MICAL2: variants seen among roughly 807,000 people sequenced by gnomAD.
The protein encoded by MICAL2 is [F-actin]-monooxygenase MICAL2.
Under a neutral mutation model 127.3 loss-of-function variants are expected in MICAL2, and 77 were observed. That is an observed-to-expected ratio of 0.60 (90% CI 0.50 to 0.73). The LOEUF (loss-of-function observed/expected upper bound fraction) is 0.73, where lower values mean the gene tolerates loss of function less well. MICAL2 is among the 30% of genes least tolerant of loss of function. MICAL2 has a pLI of 0.00. For missense variants in MICAL2, 1,351 were observed against 1,434.4 expected (o/e 0.94, Z 0.94); for synonymous variants, 570 against 551.1 (o/e 1.03, Z -0.48).
chr11:12,187,645 G>A (rs1590243658), intron 3 of MICAL2, among the ~76,000 whole-genome samples: 1 of 152,230 alleles, frequency 6.6e-6, no homozygotes, highest in Non-Finnish European at 1.5e-5. Context: ...CCTTGGGCTG[G>A]AATCAGCCCT....
At chr11:12,127,596 A>C (rs913128774) in intron 1 of MICAL2, among the ~76,000 whole-genome samples, 5 of 151,954 alleles carry the variant, frequency 3.3e-5, no homozygotes, top group African/African-American at 1.2e-4. Flanking sequence ...GGTTTCACTG[A>C]CTCACCCTGT....
At chr11:12,249,114 C>A (rs1861173915) in intron 21 of MICAL2, 70 bp from the exon 22 acceptor site, 1 of 1,597,812 alleles carries the variant, frequency 6.3e-7, no homozygotes, top group Admixed American at 1.7e-5. Context: ...CTTCTCTTTC[C>A]CCAGTGGAAG....
chr11:12,210,591 A>T (rs1354638295), intron 6 of MICAL2, among the ~76,000 whole-genome samples: 1 of 152,180 alleles, frequency 6.6e-6, no homozygotes, highest in East Asian at 1.9e-4. Flanking sequence ...TAGGTCATCA[A>T]TATCTGACAG....
intron 29 of MICAL2, among the ~76,000 whole-genome samples, chr11:12,298,223 T>C (rs1365214554): frequency 6.6e-6 from 1 of 152,008 alleles, no homozygotes; most frequent in Non-Finnish European, 1.5e-5. Context: ...AGCATAATTA[T>C]TAATTTTATT....
downstream of MICAL2, chr11:12,263,890 T>G (rs1034099368): frequency 6.6e-6 from 1 of 152,446 alleles, no homozygotes; most frequent in East Asian, 1.9e-4. Flanking sequence ...GGACTTGCAC[T>G]TGAGGTAACA....
At chr11:12,313,260 A>G (rs879489833) in intron 29 of MICAL2, among the ~76,000 whole-genome samples, 15 of 151,510 alleles carry the variant, frequency 9.9e-5, no homozygotes, top group Non-Finnish European at 1.8e-4. Context: ...GGAGGTGGAA[A>G]GTTAGAGTAA....
At chr11:12,211,542 T>A (rs72866077) in intron 6 of MICAL2, among the ~76,000 whole-genome samples, 1 of 152,350 alleles carries the variant, frequency 6.6e-6, no homozygotes, top group Non-Finnish European at 1.5e-5. Flanking sequence ...GGTCTGCACC[T>A]GTGTGACAGG....
At chr11:12,186,527 T>C (rs1858301187) in intron 3 of MICAL2, among the ~76,000 whole-genome samples, 2 of 152,176 alleles carry the variant, frequency 1.3e-5, no homozygotes, top group African/African-American at 2.4e-5. Flanking sequence ...TGAGGGCGCC[T>C]AGACAATTTT....
intron 3 of MICAL2, among the ~76,000 whole-genome samples, chr11:12,174,973 A>G (rs1189633886): frequency 1.3e-5 from 2 of 152,046 alleles, no homozygotes; most frequent in Admixed American, 6.5e-5. Flanking sequence ...AATACAAAAA[A>G]GTAGTCTGGT....
At chr11:12,111,619 A>G (rs1487014050) in intron 1 of MICAL2, among the ~76,000 whole-genome samples, 2 of 152,242 alleles carry the variant, frequency 1.3e-5, no homozygotes, top group African/African-American at 2.4e-5. Flanking sequence ...TAAAGCGGAA[A>G]GAGCTTTTAT....
intron 3 of MICAL2, among the ~76,000 whole-genome samples, chr11:12,164,338 C>A (rs1161086689): frequency 2.0e-5 from 3 of 152,152 alleles, no homozygotes; most frequent in Admixed American, 2.0e-4. Flanking sequence ...TGTGAGATAA[C>A]CCATCTCGTA....
At chr11:12,232,140 T>C (rs1295580648) in intron 15 of MICAL2, among the ~76,000 whole-genome samples, 1 of 152,240 alleles carries the variant, frequency 6.6e-6, no homozygotes, top group Non-Finnish European at 1.5e-5. Context: ...GTTCTTTTCC[T>C]TTAGAAATGA....
downstream of MICAL2, among the ~76,000 whole-genome samples, chr11:12,267,167 C>G (rs1291441437): frequency 6.6e-6 from 1 of 152,196 alleles, no homozygotes; most frequent in African/African-American, 2.4e-5. Context: ...CACCACCTGC[C>G]GGTGGACTTT....
At chr11:12,132,385 G>C (rs1244111472) in intron 1 of MICAL2, among the ~76,000 whole-genome samples, 1 of 152,242 alleles carries the variant, frequency 6.6e-6, no homozygotes, top group East Asian at 1.9e-4. Flanking sequence ...GCAGTGCTAT[G>C]CTGTGTGGCA....
chr11:12,285,819 C>G (rs1863820280), intron 2 of MICAL2, among the ~76,000 whole-genome samples: 1 of 152,222 alleles, frequency 6.6e-6, no homozygotes, highest in Non-Finnish European at 1.5e-5. Flanking sequence ...GCTGGGCTAG[C>G]TGGGCCTTGG....
intron 23 of MICAL2, 96 bp from the exon 24 acceptor site, chr11:12,256,689 C>T (rs1350337005): frequency 5.0e-6 from 6 of 1,207,344 alleles, no homozygotes; most frequent in Non-Finnish European, 6.8e-6. Flanking sequence ...CCACGAGGTC[C>T]CCAGCATTCA....
At chr11:12,258,131 GT>G (rs1862578920) in intron 24 of MICAL2, among the ~76,000 whole-genome samples, 1 of 152,210 alleles carries the variant, frequency 6.6e-6, no homozygotes, top group African/African-American at 2.4e-5. Context: ...GGCATGGGGT[GT>G]GGTATGGGAG....
intron 8 of MICAL2, among the ~76,000 whole-genome samples, chr11:12,219,348 C>T (rs529369450): frequency 2.0e-5 from 3 of 151,864 alleles, no homozygotes; most frequent in Non-Finnish European, 4.4e-5. Context: ...ATGGATATTC[C>T]AGTCCTCGCA....
intron 2 of MICAL2, among the ~76,000 whole-genome samples, chr11:12,286,334 G>A (rs1863826751): frequency 6.6e-6 from 1 of 152,214 alleles, no homozygotes; most frequent in South Asian, 2.1e-4. Context: ...AATCAGAGCA[G>A]CTCCAGTTTT....
Sources: allele counts gnomAD v4.1 joint callset (sites outside exome capture counted in the v4.1 genomes callset), GRCh38; gene constraint gnomAD v4.1.1; transcripts MANE v1.5; gene names NCBI Gene and HGNC (gene_info 2026-07-23, HGNC 2026-07-21).